SMURF2: variants seen among roughly 807,000 people sequenced by gnomAD.
SMURF2 encodes the protein E3 ubiquitin-protein ligase SMURF2.
A neutral mutation model predicts 109.6 loss-of-function variants in SMURF2; 48 were observed. The ratio of observed to expected loss-of-function variants is 0.44; its 90% CI spans 0.35 to 0.56. The LOEUF (loss-of-function observed/expected upper bound fraction) is 0.56, where lower values mean the gene tolerates loss of function less well. SMURF2 is among the 20% of genes least tolerant of loss of function. The probability of loss-of-function intolerance (pLI) is 0.01; values close to 1 mark genes in which losing one functional copy is unlikely to be tolerated. For synonymous variants in SMURF2, 288 were observed against 317.1 expected (o/e 0.91, Z 0.97); for missense variants, 575 against 909.0 (o/e 0.63, Z 4.72).
At chr17:64,594,656 T>C (rs1568187814) in intron 3 of SMURF2, among the ~76,000 whole-genome samples, 1 of 152,178 alleles carries the variant, frequency 6.6e-6, no homozygotes, top group Non-Finnish European at 1.5e-5. Flanking sequence ...GAATCAAGTA[T>C]TAAGTAGCTG....
intron 18 of SMURF2, 54 bp from the exon 19 acceptor site, chr17:64,546,001 C>A: frequency 8.5e-7 from 1 of 1,173,032 alleles, no homozygotes; most frequent in South Asian, 1.2e-5. Flanking sequence ...AGTAAACTGG[C>A]CTAGCAAGTG....
At chr17:64,599,921 C>T (rs1445490613) in intron 2 of SMURF2, among the ~76,000 whole-genome samples, 1 of 152,156 alleles carries the variant, frequency 6.6e-6, no homozygotes, top group Admixed American at 6.6e-5. Flanking sequence ...AACCAAAGAG[C>T]TTGTGCTAAG....
At chr17:64,633,173 A>C (rs1322051649) in intron 1 of SMURF2, among the ~76,000 whole-genome samples, 1 of 152,094 alleles carries the variant, frequency 6.6e-6, no homozygotes, top group Non-Finnish European at 1.5e-5. Context: ...GGGAGGCTGA[A>C]GTGGGAGGAT....
Position 64,662,102 on chromosome 17 carries a change from G to T in SMURF2, c.-222C>A, listed in dbSNP as rs1002688375. ...CACTTCTCCTTCCTCGGCCCGGGCC[G>T]CACAACAAAGCGGCAGCCGCGGCCG... On this transcript the variant is annotated 5_prime_UTR_variant, in exon 1 of 19. Transcript: ENST00000262435. 7 of 1,058,152 alleles carry T rather than the reference G, an allele frequency of 6.6e-6. No homozygotes were observed. In the African/African-American group the frequency reaches 1.2e-4, roughly 18 times the overall value. The allele number at this position is 1,058,152 out of a possible 1,614,324, so 65.5% of individuals were successfully genotyped here. A position where few individuals can be genotyped will look rare whatever the true frequency, so the allele number is the denominator to read the frequency against.
At chr17:64,623,394 G>C (rs985799527) in intron 1 of SMURF2, among the ~76,000 whole-genome samples, 2 of 152,154 alleles carry the variant, frequency 1.3e-5, no homozygotes, top group Non-Finnish European at 2.9e-5. Context: ...TGAGACTCCA[G>C]AAGGTGGCTC....
intron 1 of SMURF2, among the ~76,000 whole-genome samples, chr17:64,615,708 A>G (rs1289509687): frequency 6.6e-6 from 1 of 152,266 alleles, no homozygotes; most frequent in Non-Finnish European, 1.5e-5. Flanking sequence ...ATAAGCAAAT[A>G]TATCACATAT....
intron 1 of SMURF2, among the ~76,000 whole-genome samples, chr17:64,625,626 C>A (rs1428159778): frequency 6.6e-6 from 1 of 152,118 alleles, no homozygotes; most frequent in Non-Finnish European, 1.5e-5. Flanking sequence ...AAGTCATGGT[C>A]CTCATGGTTC....
chr17:64,559,158 T>G (rs1969171498), intron 12 of SMURF2, among the ~76,000 whole-genome samples: 1 of 152,200 alleles, frequency 6.6e-6, no homozygotes, highest in African/African-American at 2.4e-5. Context: ...CAAATTTTTG[T>G]TTTGTTTTAC....
intron 16 of SMURF2, among the ~76,000 whole-genome samples, chr17:64,549,734 G>A (rs1969014237): frequency 6.6e-6 from 1 of 151,986 alleles, no homozygotes; most frequent in Non-Finnish European, 1.5e-5. Flanking sequence ...CTCCAGCCTG[G>A]GTGACAGAGT....
intron 3 of SMURF2, among the ~76,000 whole-genome samples, chr17:64,596,273 T>C (rs1456817254): frequency 6.6e-6 from 1 of 152,080 alleles, no homozygotes; most frequent in Non-Finnish European, 1.5e-5. Context: ...TTTATTATGC[T>C]TAATGTCATC....
chr17:64,662,051 C>A lies in SMURF2; in HGVS notation c.-171G>T. On this transcript the variant is annotated 5_prime_UTR_variant, in exon 1 of 19. Transcript: ENST00000262435. The stretch of plus-strand genomic sequence containing the variant: ...TCGTCGCCATGAGCCGCGGAGGGAG[C>A]GGGACGCCGAGCTCCCCCCTCCTCC... 4.5e-6 allele frequency: 5 copies of A among 1,108,520 alleles called. No individual in the cohort carries two copies. The highest frequency in any genetic ancestry group is 5.5e-6 in the Non-Finnish European group (5 of 909,244). 68.7% of individuals were successfully genotyped at this position (1,108,520 alleles called of 1,614,324 possible). A position where few individuals can be genotyped will look rare whatever the true frequency, so the allele number is the denominator to read the frequency against.
chr17:64,614,709 A>G (rs922731845), intron 1 of SMURF2, among the ~76,000 whole-genome samples: 1 of 152,212 alleles, frequency 6.6e-6, no homozygotes, highest in Non-Finnish European at 1.5e-5. Flanking sequence ...ATACTTAGGG[A>G]GAAAGGAATA....
At chr17:64,599,153 C>T (rs1487193859) in intron 2 of SMURF2, among the ~76,000 whole-genome samples, 1 of 152,158 alleles carries the variant, frequency 6.6e-6, no homozygotes, top group Non-Finnish European at 1.5e-5. Context: ...TACATTTATC[C>T]TTAATCCTTA....
At chr17:64,658,428 A>C (rs1970732313) in intron 1 of SMURF2, among the ~76,000 whole-genome samples, 1 of 152,240 alleles carries the variant, frequency 6.6e-6, no homozygotes, top group Non-Finnish European at 1.5e-5. Flanking sequence ...TACAATTTTT[A>C]AAGCCTTGAA....
intron 2 of SMURF2, among the ~76,000 whole-genome samples, chr17:64,601,334 C>G (rs781937454): frequency 2.6e-5 from 4 of 152,026 alleles, no homozygotes; most frequent in Non-Finnish European, 5.9e-5. Flanking sequence ...AGTACTCAAA[C>G]AAATCAGCAA....
chr17:64,579,654 A>G (rs1464336001), intron 8 of SMURF2, among the ~76,000 whole-genome samples: 1 of 152,206 alleles, frequency 6.6e-6, no homozygotes, highest in East Asian at 1.9e-4. Context: ...AACACTGATA[A>G]TGACAGTTAA....
intron 1 of SMURF2, among the ~76,000 whole-genome samples, chr17:64,634,602 T>A (rs1471494170): frequency 6.6e-6 from 1 of 152,230 alleles, no homozygotes; most frequent in African/African-American, 2.4e-5. Context: ...CTAATTAATC[T>A]ACTCCAACCA....
chr17:64,598,590 T>A, intron 2 of SMURF2, 100 bp from the exon 3 acceptor site: 1 of 977,020 alleles, frequency 1.0e-6, no homozygotes, highest in Non-Finnish European at 1.4e-6. Flanking sequence ...TCCATTCTTT[T>A]AAAAAAGTTT....
chr17:64,554,836 G>A lies in SMURF2; in HGVS notation c.1748+20C>T. 6.2e-7 allele frequency: 1 copy of A among 1,609,112 alleles called. No homozygotes were observed. Among genetic ancestry groups the A allele is most frequent in the Non-Finnish European group, 8.5e-7 (1 of 1,177,506 alleles). ...AGAACATTTTAAAAAATTCAGCCTT[G>A]AGAACACAGGAGTGTTTACCTGACA... is the stretch of plus-strand genomic sequence containing the variant. On this transcript the variant is annotated intron_variant, in intron 15 of 18. Transcript: ENST00000262435.
Sources: allele counts gnomAD v4.1 joint callset (sites outside exome capture counted in the v4.1 genomes callset), GRCh38; gene constraint gnomAD v4.1.1; transcripts MANE v1.5; gene names NCBI Gene and HGNC (gene_info 2026-07-23, HGNC 2026-07-21).